DOCK4: variants seen among roughly 807,000 people sequenced by gnomAD.
DOCK4 encodes dedicator of cytokinesis 4.
Under a neutral mutation model 268.1 loss-of-function variants are expected in DOCK4, and 97 were observed. The ratio of observed to expected loss-of-function variants is 0.36; its 90% CI spans 0.31 to 0.43. The LOEUF (loss-of-function observed/expected upper bound fraction) is 0.43, where lower values mean the gene tolerates loss of function less well. Among genes scored for constraint, DOCK4 ranks in the 20% least tolerant of loss-of-function variants. DOCK4 has a pLI of 1.00. For synonymous variants in DOCK4, 954 were observed against 887.2 expected, an observed-to-expected ratio of 1.08 and a Z score of -1.34; for missense variants, 2,145 against 2,455.7, an observed-to-expected ratio of 0.87 and a Z score of 2.67.
At chr7:111,922,920 G>C (rs1793275662) in intron 12 of DOCK4, among the ~76,000 whole-genome samples, 1 of 152,146 alleles carries the variant, frequency 6.6e-6, no homozygotes, top group South Asian at 2.1e-4. Context: ...ACTCTGACTA[G>C]TTGTTTCAGT....
intron 41 of DOCK4, among the ~76,000 whole-genome samples, chr7:111,756,655 T>C (rs948714304): frequency 2.6e-5 from 4 of 152,100 alleles, no homozygotes; most frequent in Non-Finnish European, 2.9e-5. Context: ...AACCAGGTTT[T>C]AGTATCTACG....
intron 30 of DOCK4, among the ~76,000 whole-genome samples, chr7:111,805,668 T>C (rs948419378): frequency 6.6e-6 from 1 of 152,162 alleles, no homozygotes; most frequent in Non-Finnish European, 1.5e-5. Context: ...CCCCTCCGTG[T>C]CCTCAGTGGA....
chr7:111,884,317 C>A (rs1002696674), intron 16 of DOCK4, among the ~76,000 whole-genome samples: 2 of 152,220 alleles, frequency 1.3e-5, no homozygotes, highest in East Asian at 1.9e-4. Flanking sequence ...ATCCTTGAGG[C>A]AAGATATTGT....
chr7:111,741,436 A>G, intron 46 of DOCK4, 104 bp downstream of exon 46: 1 of 1,489,732 alleles, frequency 6.7e-7, no homozygotes, highest in African/African-American at 1.4e-5. Context: ...TATTTCATTA[A>G]GAAATAGCGT....
In DOCK4 at chr7:111,933,441, C is replaced by T. The variant is rs111388525; in HGVS notation, c.1066+2099G>A. On this transcript the variant is annotated intron_variant, in intron 12 of 52. Transcript: ENST00000428084. ...TCCGGAGTAGCTGGGATTACAGGCA[C>T]GCGCCACCAGGCCCAGCTAATTTTT... 4.3e-3 allele frequency among the ~76,000 whole-genome samples: 652 copies of T among 151,018 alleles called. 9 individuals carry two copies. The highest frequency in any genetic ancestry group is 0.015 in the African/African-American group (598 of 41,156).
At chr7:112,054,022 C>G (rs1436922108) in intron 1 of DOCK4, among the ~76,000 whole-genome samples, 1 of 152,070 alleles carries the variant, frequency 6.6e-6, no homozygotes, top group African/African-American at 2.4e-5. Context: ...GACGAAATAA[C>G]AAAGGAATGG....
intron 4 of DOCK4, 28 bp downstream of exon 4, chr7:111,998,420 C>T (rs1172404608): frequency 4.0e-6 from 6 of 1,516,436 alleles, no homozygotes; most frequent in Non-Finnish European, 5.3e-6. Context: ...TGAAAATCCT[C>T]CAACTACTAA....
intron 27 of DOCK4, among the ~76,000 whole-genome samples, chr7:111,812,213 T>A (rs1801188785): frequency 6.6e-6 from 1 of 152,164 alleles, no homozygotes; most frequent in South Asian, 2.1e-4. Flanking sequence ...ATTATCACCT[T>A]GATGTTTTGT....
intron 8 of DOCK4, among the ~76,000 whole-genome samples, chr7:111,957,534 T>C (rs1412754636): frequency 1.3e-5 from 2 of 152,188 alleles, no homozygotes; most frequent in Admixed American, 1.3e-4. Flanking sequence ...TGAACATCAG[T>C]AGACTACAAG....
chr7:111,971,837 G>T, intron 8 of DOCK4: 1 of 292,474 alleles, frequency 3.4e-6, no homozygotes, highest in Non-Finnish European at 6.5e-6. Context: ...GATATAGCGG[G>T]GCCATTTCAC....
chr7:111,995,337 A>ATTTAAT (rs1274171161), intron 4 of DOCK4, among the ~76,000 whole-genome samples: 1 of 151,730 alleles, frequency 6.6e-6, no homozygotes, highest in Non-Finnish European at 1.5e-5. Context: ...GGCTGAGAAG[A>ATTTAAT]TTTAATTTGT....
At chr7:112,018,686 C>T (rs938827074) in intron 1 of DOCK4, among the ~76,000 whole-genome samples, 1 of 151,340 alleles carries the variant, frequency 6.6e-6, no homozygotes, top group Non-Finnish European at 1.5e-5. Context: ...CTCCCTACAT[C>T]CCCCTCCCCC....
At chr7:111,961,516 T>A (rs1796894498) in intron 8 of DOCK4, among the ~76,000 whole-genome samples, 1 of 152,204 alleles carries the variant, frequency 6.6e-6, no homozygotes, top group Admixed American at 6.5e-5. Flanking sequence ...GATAAACCTA[T>A]ACTTATTTAG....
chr7:112,073,470 A>G (rs1240962770), intron 1 of DOCK4, among the ~76,000 whole-genome samples: 4 of 152,118 alleles, frequency 2.6e-5, no homozygotes, highest in African/African-American at 9.7e-5. Flanking sequence ...CATGTATTAC[A>G]TGTATTATTA....
intron 43 of DOCK4, 76 bp downstream of exon 43, chr7:111,747,191 T>A (rs1796335059): frequency 6.9e-7 from 1 of 1,444,584 alleles, no homozygotes; most frequent in Non-Finnish European, 9.4e-7. Context: ...GGGTACATAG[T>A]CTGAAAAAAG....
At chr7:111,862,617 AG>A (rs1805641207) in intron 23 of DOCK4, among the ~76,000 whole-genome samples, 1 of 149,266 alleles carries the variant, frequency 6.7e-6, no homozygotes. Flanking sequence ...CAGCCTCCCG[AG>A]TAGATGGGAT....
intron 1 of DOCK4, among the ~76,000 whole-genome samples, chr7:112,130,133 G>A (rs547441693): frequency 2.4e-4 from 36 of 152,146 alleles, no homozygotes; most frequent in Non-Finnish European, 4.1e-4. Context: ...GAGGTCACCT[G>A]GCAAACCTGG....
chr7:112,047,851 C>T (rs908163966), intron 1 of DOCK4, among the ~76,000 whole-genome samples: 25 of 152,202 alleles, frequency 1.6e-4, no homozygotes, highest in African/African-American at 6.0e-4. Context: ...TGCCACCATG[C>T]CTGGCTAGGT....
chr7:111,879,781 T>C lies in DOCK4; in HGVS notation c.1588-2595A>G, dbSNP rs28814684. Among the ~76,000 whole-genome samples the C allele has an allele frequency of 3.0e-3, 460 of 152,300 alleles. 3 individuals are homozygous for C. Among genetic ancestry groups the C allele is most frequent in the African/African-American group, 0.011 (451 of 41,560 alleles). On this transcript the variant is annotated intron_variant, in intron 16 of 52. Transcript: ENST00000428084. ...CTAGAGTTGAAAAATGCAACTGACA[T>C]GCTGACGAATGCATCAGAGTCTCTT...
Sources: allele counts gnomAD v4.1 joint callset (sites outside exome capture counted in the v4.1 genomes callset), GRCh38; gene constraint gnomAD v4.1.1; transcripts MANE v1.5; gene names NCBI Gene and HGNC (gene_info 2026-07-23, HGNC 2026-07-21).